MAPK8IP3: variants seen among roughly 807,000 people sequenced by gnomAD.
MAPK8IP3 encodes C-Jun-amino-terminal kinase-interacting protein 3.
MAPK8IP3 carries 49 observed loss-of-function variants against 157.8 expected under a neutral mutation model. The observed-to-expected ratio is 0.31, with a 90% confidence interval of 0.25 to 0.39. The LOEUF (loss-of-function observed/expected upper bound fraction) is 0.39. Ranked by LOEUF, MAPK8IP3 falls within the 10% of genes least tolerant of loss-of-function variation. The pLI is 1.00. For synonymous variants in MAPK8IP3, 897 were observed against 777.7 expected, an observed-to-expected ratio of 1.15 and a Z score of -2.55; for missense variants, 1,478 against 1,889.4, an observed-to-expected ratio of 0.78 and a Z score of 4.04.
intron 15 of MAPK8IP3, 42 bp from the exon 16 acceptor site, chr16:1,762,794 C>T: frequency 6.2e-7 from 1 of 1,602,734 alleles, no homozygotes; most frequent in Non-Finnish European, 8.5e-7. Flanking sequence ...GGGAGGTTCC[C>T]TGGTCCTCTG....
chr16:1,706,573 G>A lies in MAPK8IP3; in HGVS notation c.234G>A (p.Val78=). The A allele has an allele frequency of 6.2e-7, 1 of 1,611,838 alleles. No homozygotes were observed. Among genetic ancestry groups the A allele is most frequent in the Non-Finnish European group, 8.5e-7 (1 of 1,179,096 alleles). ...TCAGCGAGAACCAGGAGCACGAGGT[G>A]GAGCTGGAGCTGCTGCGCGAGGACA... ...SVLSENQEHE[V]ELELLREDNE... Residue 78 remains valine, a synonymous_variant, in exon 1 of 32, where the codon GTG becomes GTA. Transcript: ENST00000610761. The surrounding 1 kb of genome is among the most constrained non-coding windows in gnomAD (Gnocchi z 5.1).
intron 1 of MAPK8IP3, chr16:1,707,958 A>G (rs2037506089): frequency 6.6e-6 from 1 of 152,224 alleles, no homozygotes; most frequent in Non-Finnish European, 1.5e-5. Flanking sequence ...GCGTGTTTAT[A>G]AAAATCATAA....
At position 1,766,011 on chromosome 16, in the gene MAPK8IP3, T is replaced by C. The variant is rs2042238544; in HGVS notation, c.2498T>C (p.Val833Ala). The change falls in exon 21 of 32, where the codon GTG becomes GCG. Residue 833 changes from valine to alanine, a missense_variant. By Grantham distance (64) the Val-to-Ala change is moderately conservative. This residue lies in a region of MAPK8IP3 where 669 missense variants were observed against 759.8 expected (regional missense o/e 0.88). Coordinates refer to ENST00000610761, the MANE Select transcript of MAPK8IP3 (RefSeq NM_001318852.2). ...PPGEMFLDSD[V>A]NPEDPGADGV... ...GGGGAGATGTTCCTGGACAGCGACG[T>C]GAACCCAGAGGACCCGGGCGCAGAT... 1.9e-6 allele frequency: 3 copies of C among 1,612,792 alleles called. No individual in the cohort carries two copies. Among genetic ancestry groups the C allele is most frequent in the Non-Finnish European group, 2.5e-6 (3 of 1,179,932 alleles).
intron 9 of MAPK8IP3, 75 bp from the exon 10 acceptor site, chr16:1,758,903 C>G: frequency 8.5e-6 from 13 of 1,529,880 alleles, no homozygotes; most frequent in Non-Finnish European, 1.2e-5. Context: ...GCTTAACGCG[C>G]TTCTCTTCTC....
At position 1,706,818 on chromosome 16, in the gene MAPK8IP3, A is replaced by ATGGG. The variant is rs2037422081; in HGVS notation, c.318+162_318+163insGGGT. Reference sequence around the variant, plus strand: ...CCGCCCCGAGACCCGCCTGGACCCCATATCCCCCGCCCCGGGACTTCCCCA... The same window carrying ATGGG: ...CCGCCCCGAGACCCGCCTGGACCCCATGGGTATCCCCCGCCCCGGGACTTCCCCA... On this transcript the variant is annotated intron_variant, in intron 1 of 31. Coordinates refer to ENST00000610761, the MANE Select transcript of MAPK8IP3 (RefSeq NM_001318852.2). This position sits in a 1 kb window ranked among gnomAD's most constrained non-coding sequence, Gnocchi z 5.1. Among the ~76,000 whole-genome samples the ATGGG allele has an allele frequency of 1.8e-4, 2 of 11,218 alleles. No homozygotes were observed. The highest frequency in any genetic ancestry group is 2.2e-3 in the South Asian group (1 of 462). The allele number at this position is 11,218 out of a possible 152,430, so 7.4% of individuals were successfully genotyped here. A position where few individuals can be genotyped will look rare whatever the true frequency, so the allele number is the denominator to read the frequency against.
chr16:1,763,254 CAG>C (rs984328163), intron 16 of MAPK8IP3, among the ~76,000 whole-genome samples: 2 of 152,364 alleles, frequency 1.3e-5, no homozygotes, highest in East Asian at 1.9e-4. Flanking sequence ...CACCAACAGT[CAG>C]GGGGCTGTGC....
At position 1,747,281 on chromosome 16, in the gene MAPK8IP3, T is replaced by C. The variant is rs756758492; in HGVS notation, c.994+6T>C. ...GATGCGCAACGTCAGTATAGGTGGG[T>C]GCCCACCTCCGGGACTCTGGGCTCC... On this transcript the variant is annotated splice_donor_region_variant and intron_variant, in intron 6 of 31. Coordinates refer to ENST00000610761, the MANE Select transcript of MAPK8IP3 (RefSeq NM_001318852.2). 1 of 1,610,916 alleles carries C rather than the reference T, an allele frequency of 6.2e-7. No homozygotes were observed. Among genetic ancestry groups the C allele is most frequent in the Non-Finnish European group, 8.5e-7 (1 of 1,178,056 alleles).
intron 19 of MAPK8IP3, 129 bp downstream of exon 19, chr16:1,764,588 T>A: frequency 7.8e-7 from 1 of 1,275,828 alleles, no homozygotes; most frequent in Non-Finnish European, 1.1e-6. Context: ...GCGCAGGGGC[T>A]CCTAGACTGC....
At chr16:1,730,520 A>T (rs986908063) in intron 4 of MAPK8IP3, among the ~76,000 whole-genome samples, 15 of 152,052 alleles carry the variant, frequency 9.9e-5, no homozygotes, top group African/African-American at 3.6e-4. Flanking sequence ...TGGGCAGATC[A>T]CGAGATCAGG....
intron 17 of MAPK8IP3, 116 bp from the exon 18 acceptor site, chr16:1,763,999 C>T (rs372736020): frequency 8.7e-7 from 1 of 1,149,302 alleles, no homozygotes. Context: ...CCCCACCTGC[C>T]TCCAGTCTTG....
chr16:1,733,992 C>T (rs986074515), intron 4 of MAPK8IP3, among the ~76,000 whole-genome samples: 5 of 152,252 alleles, frequency 3.3e-5, no homozygotes, highest in African/African-American at 7.2e-5. Context: ...TCCCCAGCCA[C>T]GGACCCCAGG....
intron 20 of MAPK8IP3, among the ~76,000 whole-genome samples, chr16:1,765,675 C>T (rs74002445): frequency 0.048 from 7,370 of 152,258 alleles, 597 homozygotes; most frequent in African/African-American, 0.17. Flanking sequence ...GTCTGGGGTC[C>T]TGAGGGTCTG....
rs778579031 is a variant in MAPK8IP3, at chr16:1,768,639, C to T, written c.3892+13C>T. 1.9e-6 allele frequency: 3 copies of T among 1,609,050 alleles called. No homozygotes were observed. Among genetic ancestry groups the T allele is most frequent in the South Asian group, 1.1e-5 (1 of 90,772 alleles). On this transcript the variant is annotated intron_variant, in intron 31 of 31. Transcript: ENST00000610761. ...GACTTCCGCATTGGTGAGCGGGGCC[C>T]AGGGACAGGGCTGAGGTTGGGCGCG...
At chr16:1,734,758 G>C (rs141313425) in intron 4 of MAPK8IP3, among the ~76,000 whole-genome samples, 1 of 152,390 alleles carries the variant, frequency 6.6e-6, no homozygotes, top group African/African-American at 2.4e-5. Flanking sequence ...ATTTGAGTCA[G>C]TCCCATCTGC....
intron 4 of MAPK8IP3, among the ~76,000 whole-genome samples, chr16:1,735,341 C>A (rs2039607141): frequency 1.3e-5 from 2 of 149,934 alleles, no homozygotes; most frequent in African/African-American, 4.9e-5. Context: ...AGTGAGCGTC[C>A]ATGTGAGCGT....
intron 1 of MAPK8IP3, chr16:1,713,869 A>C (rs2037958050): frequency 6.6e-6 from 1 of 152,136 alleles, no homozygotes; most frequent in African/African-American, 2.4e-5. Context: ...ATGAGTTTTG[A>C]AATACGTATA....
At chr16:1,760,196 T>A in intron 11 of MAPK8IP3, 181 bp downstream of exon 11, 1 of 955,890 alleles carries the variant, frequency 1.0e-6, no homozygotes, top group Non-Finnish European at 1.6e-6. Flanking sequence ...GAAGCTTGTC[T>A]CCAGGAGCCT....
intron 4 of MAPK8IP3, among the ~76,000 whole-genome samples, chr16:1,736,117 T>TGA (rs1390703230): frequency 7.5e-6 from 1 of 132,484 alleles, no homozygotes; most frequent in African/African-American, 2.9e-5. Flanking sequence ...CGTGTGACCG[T>TGA]CCGTGTGTGT....
intron 20 of MAPK8IP3, 75 bp downstream of exon 20, chr16:1,765,253 C>T: frequency 6.8e-7 from 1 of 1,479,194 alleles, no homozygotes; most frequent in Non-Finnish European, 9.1e-7. Context: ...AGCCCTGCCA[C>T]ACAGCAGCTG....
Sources: allele counts gnomAD v4.1 joint callset (sites outside exome capture counted in the v4.1 genomes callset), GRCh38; gene constraint gnomAD v4.1.1; regional missense constraint gnomAD v4.1.1; non-coding constraint Gnocchi (gnomAD v3.1); transcripts MANE v1.5; gene names NCBI Gene and HGNC (gene_info 2026-07-23, HGNC 2026-07-21).